Variants in ZEB2 observed in about 807,000 individuals in gnomAD.
ZEB2 encodes the protein zinc finger E-box-binding homeobox 2.
In ZEB2, 6 loss-of-function variants were observed where a neutral mutation model predicts 99.9. The ratio of observed to expected loss-of-function variants is 0.06; its 90% CI spans 0.03 to 0.12. ZEB2 has a LOEUF of 0.12. ZEB2 is among the 10% of genes least tolerant of loss of function. ZEB2 has a pLI of 1.00. For synonymous variants in ZEB2, 517 were observed against 542.5 expected (o/e 0.95, Z 0.65); for missense variants, 969 against 1,502.8 (o/e 0.64, Z 5.87).
In ZEB2 at chr2:144,421,656, CT is replaced by C. The variant is rs34583976; in HGVS notation, c.403+3139del. ...TAATTTTTTTCTCTTGTGTCATAAT[CT>C]TTTTTTTTTTTTTTCAAAAGAAAAT... On this transcript the variant is annotated intron_variant, in intron 4 of 9. Transcript: ENST00000627532. Among the ~76,000 whole-genome samples the C allele has an allele frequency of 2.8e-3, 391 of 137,236 alleles. 1 individual carries two copies. The highest frequency in any genetic ancestry group is 7.5e-3 in the Middle Eastern group (2 of 266). 90.0% of individuals were successfully genotyped at this position (137,236 alleles called of 152,430 possible).
At chr2:144,391,727 T>C (rs774142062) in intron 9 of ZEB2, among the ~76,000 whole-genome samples, 1 of 152,238 alleles carries the variant, frequency 6.6e-6, no homozygotes. Flanking sequence ...CTCACTTGTG[T>C]GGACTTGGAC....
At chr2:144,394,148 C>T (rs949506704) in intron 9 of ZEB2, among the ~76,000 whole-genome samples, 8 of 152,062 alleles carry the variant, frequency 5.3e-5, no homozygotes, top group South Asian at 2.1e-4. Flanking sequence ...CTTGAACTCC[C>T]GCTCTCAGGT....
chr2:144,446,466 G>C (rs142762172), intron 2 of ZEB2, among the ~76,000 whole-genome samples: 2 of 151,274 alleles, frequency 1.3e-5, no homozygotes, highest in Non-Finnish European at 2.9e-5. Context: ...ATTAAGTCAC[G>C]TAGTCAATAT....
chr2:144,423,592 G>C (rs548168343), intron 4 of ZEB2, among the ~76,000 whole-genome samples: 169 of 152,172 alleles, frequency 1.1e-3, no homozygotes, highest in Non-Finnish European at 1.9e-3. Context: ...TGTCAGGGCT[G>C]TGTGTAAAAA....
At chr2:144,491,474 T>C (rs1242418741) in intron 2 of ZEB2, among the ~76,000 whole-genome samples, 3 of 152,226 alleles carry the variant, frequency 2.0e-5, no homozygotes, top group Non-Finnish European at 2.9e-5. Context: ...TTTTCTGCTT[T>C]AGGAATTTCA....
intron 2 of ZEB2, among the ~76,000 whole-genome samples, chr2:144,517,002 G>A (rs1474532617): frequency 6.7e-6 from 1 of 149,862 alleles, no homozygotes; most frequent in Non-Finnish European, 1.5e-5. Context: ...GGGGCTCGAG[G>A]GGGGCAGCGG....
chr2:144,517,969 G>A, intron 1 of ZEB2: 1 of 351,350 alleles, frequency 2.8e-6, no homozygotes, highest in Non-Finnish European at 5.3e-6. Context: ...CCCTTTTGGA[G>A]TTTATCGAGG....
intron 4 of ZEB2, among the ~76,000 whole-genome samples, chr2:144,409,880 C>G (rs1703435186): frequency 6.6e-6 from 1 of 151,444 alleles, no homozygotes; most frequent in South Asian, 2.1e-4. Context: ...CAAAGTGAGA[C>G]CCCTGTCTCA....
intron 2 of ZEB2, among the ~76,000 whole-genome samples, chr2:144,499,534 G>A (rs1436830010): frequency 2.6e-5 from 4 of 152,070 alleles, no homozygotes; most frequent in African/African-American, 7.2e-5. Context: ...TTCTGTAAAC[G>A]CTTTTTCTAG....
At chr2:144,452,655 C>T (rs753880373) in intron 2 of ZEB2, among the ~76,000 whole-genome samples, 22 of 152,068 alleles carry the variant, frequency 1.4e-4, no homozygotes, top group Non-Finnish European at 3.1e-4. Context: ...AATTGGAGTC[C>T]GACAAGCCTG....
At chr2:144,406,916 T>A (rs1703395909) in intron 4 of ZEB2, among the ~76,000 whole-genome samples, 1 of 151,942 alleles carries the variant, frequency 6.6e-6, no homozygotes, top group East Asian at 1.9e-4. Context: ...ATGAAGGAAG[T>A]GTCTGGATTT....
At chr2:144,498,031 AAT>A (rs1293392111) in intron 2 of ZEB2, among the ~76,000 whole-genome samples, 3 of 48,116 alleles carry the variant, frequency 6.2e-5, no homozygotes, top group Non-Finnish European at 1.2e-4. Context: ...TATATTATAT[AAT>A]ATATATTAAT....
At chr2:144,488,350 C>T (rs951297075) in intron 2 of ZEB2, among the ~76,000 whole-genome samples, 1 of 152,092 alleles carries the variant, frequency 6.6e-6, no homozygotes, top group African/African-American at 2.4e-5. Context: ...CAGTGGAACC[C>T]ACTTAAATAA....
intron 2 of ZEB2, among the ~76,000 whole-genome samples, chr2:144,510,096 G>A (rs1003040129): frequency 6.6e-6 from 1 of 151,974 alleles, no homozygotes; most frequent in African/African-American, 2.4e-5. Flanking sequence ...AGCCCTCAAA[G>A]CTTTTTAAAA....
intron 2 of ZEB2, among the ~76,000 whole-genome samples, chr2:144,515,195 T>TTC (rs957261684): frequency 2.0e-5 from 3 of 147,430 alleles, no homozygotes; most frequent in African/African-American, 7.5e-5. Flanking sequence ...CATTCTCTTT[T>TTC]TCTCTCAAAA....
intron 2 of ZEB2, among the ~76,000 whole-genome samples, chr2:144,478,988 C>T (rs182715229): frequency 1.3e-5 from 2 of 152,284 alleles, no homozygotes; most frequent in East Asian, 3.9e-4. Flanking sequence ...TTATCATTAC[C>T]TTTGAATAAC....
chr2:144,513,796 G>C, intron 2 of ZEB2: 3 of 1,536,150 alleles, frequency 2.0e-6, no homozygotes, highest in Non-Finnish European at 2.6e-6. Flanking sequence ...CTGACTCCAA[G>C]GCTGTGTGGA....
intron 2 of ZEB2, among the ~76,000 whole-genome samples, chr2:144,441,170 A>AGAGAGAGG (rs1418768124): frequency 4.3e-5 from 6 of 139,526 alleles, no homozygotes; most frequent in Non-Finnish European, 8.0e-5. Context: ...TGCACGAGAG[A>AGAGAGAGG]GAGAGAGAGA....
intron 2 of ZEB2, chr2:144,511,962 T>A: frequency 7.8e-7 from 1 of 1,287,204 alleles, no homozygotes. Flanking sequence ...TTTCAACTAG[T>A]GTTTCTGCAT....
Sources: allele counts gnomAD v4.1 joint callset (sites outside exome capture counted in the v4.1 genomes callset), GRCh38; gene constraint gnomAD v4.1.1; transcripts MANE v1.5; gene names NCBI Gene and HGNC (gene_info 2026-07-23, HGNC 2026-07-21).